The following SPTLC2 variants were observed in gnomAD, a reference collection of about 807,000 sequenced individuals.
SPTLC2 encodes the protein serine palmitoyltransferase 2.
Under a neutral mutation model 62.0 loss-of-function variants are expected in SPTLC2, and 21 were observed. The observed-to-expected ratio is 0.34, with a 90% CI of 0.24 to 0.49. SPTLC2 has a LOEUF of 0.49. Ranked by LOEUF, SPTLC2 falls within the 20% of genes least tolerant of loss-of-function variation. The pLI, the probability that SPTLC2 is intolerant of heterozygous loss-of-function variation, is 0.99. For synonymous variants in SPTLC2, 261 were observed against 261.8 expected, an observed-to-expected ratio of 1.00 and a Z score of 0.03; for missense variants, 511 against 713.0, an observed-to-expected ratio of 0.72 and a Z score of 3.23.
In SPTLC2 at chr14:77,549,827, T is replaced by G. The variant is rs534875285; in HGVS notation, c.1303+2269A>C. Among the ~76,000 whole-genome samples the G allele has an allele frequency of 3.8e-4, 58 of 152,330 alleles. 1 individual carries two copies. The South Asian group carries it at 0.012, about 31-fold the overall frequency. On this transcript the variant is annotated intron_variant, in intron 9 of 11. Coordinates refer to ENST00000216484, the MANE Select transcript of SPTLC2 (RefSeq NM_004863.4). ...GCACAGCCCAGATTTCATCATTTAGTACAGATAAGTCATTTATCTGGGGGT... is the reference window on the plus strand; with the variant it reads ...GCACAGCCCAGATTTCATCATTTAGGACAGATAAGTCATTTATCTGGGGGT...
chr14:77,590,450 C>T (rs564850659), intron 2 of SPTLC2, among the ~76,000 whole-genome samples: 1 of 152,314 alleles, frequency 6.6e-6, no homozygotes, highest in Admixed American at 6.5e-5. Flanking sequence ...GTGGCTCACG[C>T]CTGTAATCCC....
At chr14:77,562,306 T>A in intron 6 of SPTLC2, 90 bp downstream of exon 6, 1 of 1,120,914 alleles carries the variant, frequency 8.9e-7, no homozygotes, top group Non-Finnish European at 1.4e-6. Context: ...ATTTATACTT[T>A]CAAGTGCTAA....
At chr14:77,597,894 C>T (rs1382339841) in intron 1 of SPTLC2, among the ~76,000 whole-genome samples, 3 of 151,190 alleles carry the variant, frequency 2.0e-5, no homozygotes, top group Non-Finnish European at 2.9e-5. Flanking sequence ...GAGGCCGAGG[C>T]GGACGAATCA....
rs535979541 is a variant in SPTLC2, at chr14:77,557,230, T to G, written c.851-84A>C. The G allele has an allele frequency of 4.1e-6, 5 of 1,222,242 alleles. No individual in the cohort carries two copies. The African/African-American group carries it at 7.4e-5, about 18-fold the overall frequency. The allele number at this position is 1,222,242 out of a possible 1,614,324, so 75.7% of individuals were successfully genotyped here. ...GGAAATGCAGAGATATATTTCTCAT[T>G]CAGAAACCATGCCTCAGATAGCAAA... On this transcript the variant is annotated intron_variant, in intron 6 of 11. Transcript: ENST00000216484.
chr14:77,533,135 T>TA (rs1036053274), intron 9 of SPTLC2, among the ~76,000 whole-genome samples: 2 of 151,508 alleles, frequency 1.3e-5, no homozygotes, highest in African/African-American at 4.9e-5. Flanking sequence ...CTGTCTCTAC[T>TA]AAAAAAATAC....
At position 77,562,464 on chromosome 14, in the gene SPTLC2, A is replaced by T; in HGVS notation, c.782T>A (p.Leu261Gln). The T allele has an allele frequency of 6.2e-7, 1 of 1,614,102 alleles. No homozygotes were observed. The highest frequency in any genetic ancestry group is 8.5e-7 in the Non-Finnish European group (1 of 1,179,932). The change falls in exon 6 of 12, where the codon CTG becomes CAG. Residue 261 changes from leucine (L) to glutamine (Q), a missense_variant. Coordinates refer to ENST00000216484, the MANE Select transcript of SPTLC2 (RefSeq NM_004863.4). ...TCCCAGAACCAGTGATGCATGATTCAGTTCATCACTCAGAATCAGGCAACC... is the reference window on the plus strand; with the variant it reads ...TCCCAGAACCAGTGATGCATGATTCTGTTCATCACTCAGAATCAGGCAACC... ...GKGCLILSDE[L>Q]NHASLVLGAR...
chr14:77,530,782 A>T (rs2079434248), intron 9 of SPTLC2, among the ~76,000 whole-genome samples: 1 of 152,150 alleles, frequency 6.6e-6, no homozygotes, highest in African/African-American at 2.4e-5. Context: ...TTCTGGTTTC[A>T]AAGACTGGAC....
At chr14:77,575,281 C>T (rs1455158469) in intron 4 of SPTLC2, among the ~76,000 whole-genome samples, 1 of 152,100 alleles carries the variant, frequency 6.6e-6, no homozygotes, top group East Asian at 1.9e-4. Context: ...ATATAAAAAT[C>T]TGCACAATTT....
intron 2 of SPTLC2, among the ~76,000 whole-genome samples, chr14:77,586,066 TTTTTC>T (rs1416187827): frequency 2.9e-5 from 3 of 102,726 alleles, no homozygotes; most frequent in African/African-American, 9.4e-5. Flanking sequence ...CGTGATAAAT[TTTTTC>T]TTTTTTCTTT....
intron 1 of SPTLC2, among the ~76,000 whole-genome samples, chr14:77,608,200 C>T (rs775222790): frequency 6.6e-6 from 1 of 152,178 alleles, no homozygotes; most frequent in Non-Finnish European, 1.5e-5. Context: ...TCTCCCCTCA[C>T]GCTAGTAAGA....
intron 9 of SPTLC2, among the ~76,000 whole-genome samples, chr14:77,538,354 TCCTGTCTCTA>T (rs1244417902): frequency 6.6e-6 from 1 of 152,210 alleles, no homozygotes; most frequent in African/African-American, 2.4e-5. Flanking sequence ...GGGGATGGGA[TCCTGTCTCTA>T]CCTGAGCTAA....
intron 6 of SPTLC2, among the ~76,000 whole-genome samples, chr14:77,558,346 T>C (rs1460239468): frequency 6.6e-6 from 1 of 152,042 alleles, no homozygotes; most frequent in African/African-American, 2.4e-5. Context: ...CGCCTGGCCC[T>C]ATCATAAAAT....
chr14:77,532,492 A>G (rs932037035), intron 9 of SPTLC2, among the ~76,000 whole-genome samples: 1 of 152,162 alleles, frequency 6.6e-6, no homozygotes, highest in Admixed American at 6.5e-5. Context: ...TAATATAAAA[A>G]TCTGATTCTG....
chr14:77,533,300 CAAAAAA>C (rs35192294), intron 9 of SPTLC2, among the ~76,000 whole-genome samples: 1 of 98,494 alleles, frequency 1.0e-5, no homozygotes. Flanking sequence ...AACTCCGTTG[CAAAAAA>C]AAAAAAAAAA....
chr14:77,512,311 CT>C lies in SPTLC2; in HGVS notation c.1661del (p.Glu554GlyfsTer44). 1 of 1,614,210 alleles carries C rather than the reference CT, an allele frequency of 6.2e-7. No individual in the cohort carries two copies. Among genetic ancestry groups the C allele is most frequent in the Non-Finnish European group, 8.5e-7 (1 of 1,180,038 alleles). Reference protein sequence around the residue: ...LVPLLDRPFDETTYEETED With the variant: ...LVPLLDRPFDXTTYEETED ...AGTCTTCTGTTTCTTCATACGTCGT[CT>C]CGTCAAAGGGCCTGTCCAGTAGAGG... On this transcript the variant is annotated frameshift_variant, in exon 12 of 12. Transcript: ENST00000216484. LOFTEE classifies it high-confidence loss of function.
At chr14:77,597,769 G>A (rs554267878) in intron 1 of SPTLC2, among the ~76,000 whole-genome samples, 5 of 143,194 alleles carry the variant, frequency 3.5e-5, no homozygotes, top group African/African-American at 5.2e-5. Context: ...GCAAGACTCC[G>A]TGTCAAAAAA....
intron 2 of SPTLC2, among the ~76,000 whole-genome samples, chr14:77,584,387 AGCAAGAGT>A (rs1284726888): frequency 6.6e-6 from 1 of 152,262 alleles, no homozygotes; most frequent in African/African-American, 2.4e-5. Flanking sequence ...TCACAACAGC[AGCAAGAGT>A]GCCCATCTAC....
At chr14:77,549,819 T>C (rs1257197739) in intron 9 of SPTLC2, among the ~76,000 whole-genome samples, 1 of 152,336 alleles carries the variant, frequency 6.6e-6, no homozygotes, top group Non-Finnish European at 1.5e-5. Flanking sequence ...CCAGATTTCA[T>C]CATTTAGTAC....
chr14:77,591,236 C>T (rs2079814696), intron 2 of SPTLC2, among the ~76,000 whole-genome samples: 1 of 152,124 alleles, frequency 6.6e-6, no homozygotes, highest in African/African-American at 2.4e-5. Context: ...CTGTATGATC[C>T]CATTTACATG....
Sources: allele counts gnomAD v4.1 joint callset (sites outside exome capture counted in the v4.1 genomes callset), GRCh38; gene constraint gnomAD v4.1.1; transcripts MANE v1.5; gene names NCBI Gene and HGNC (gene_info 2026-07-23, HGNC 2026-07-21).